The following SLC25A21 variants were observed in gnomAD, a reference collection of about 807,000 sequenced individuals.
SLC25A21 encodes the protein mitochondrial 2-oxodicarboxylate carrier.
SLC25A21 carries 47 observed loss-of-function variants against 43.8 expected under a neutral mutation model. That is an observed-to-expected ratio of 1.07 (90% CI 0.85 to 1.37). The LOEUF (loss-of-function observed/expected upper bound fraction) is 1.37. Among genes scored for constraint, SLC25A21 ranks in the 40% most tolerant of loss-of-function variants. The pLI, the probability that SLC25A21 is intolerant of heterozygous loss-of-function variation, is 0.00. For synonymous variants in SLC25A21, 131 were observed against 121.3 expected, an observed-to-expected ratio of 1.08 and a Z score of -0.52; for missense variants, 352 against 350.2, an observed-to-expected ratio of 1.00 and a Z score of -0.04.
chr14:36,894,233 T>G (rs1172268264), intron 1 of SLC25A21, among the ~76,000 whole-genome samples: 3 of 152,278 alleles, frequency 2.0e-5, no homozygotes, highest in African/African-American at 7.2e-5. Context: ...GGTTTGTAGT[T>G]CTCCTTGAGG....
intron 2 of SLC25A21, among the ~76,000 whole-genome samples, chr14:36,865,860 C>A (rs149860604): frequency 1.3e-5 from 2 of 152,036 alleles, no homozygotes; most frequent in African/African-American, 2.4e-5. Flanking sequence ...TATAACAACA[C>A]GTGGATGCCA....
chr14:36,717,737 A>G (rs2139199481), intron 6 of SLC25A21, among the ~76,000 whole-genome samples: 1 of 152,316 alleles, frequency 6.6e-6, no homozygotes, highest in East Asian at 1.9e-4. Context: ...AGATTTCTTT[A>G]TCCCAATGAA....
chr14:37,140,442 G>T (rs1856797322), intron 1 of SLC25A21, among the ~76,000 whole-genome samples: 1 of 152,114 alleles, frequency 6.6e-6, no homozygotes, highest in South Asian at 2.1e-4. Flanking sequence ...ACTTTTGCCT[G>T]GCTCTGCTGA....
rs185935187 is a variant in SLC25A21 at position 36,842,999 on chromosome 14, C to T, written c.120-28998G>A. ...GCATTAGTTAGAGTCTCATAAGCAG[C>T]GTGCAACCTAGATCCCTCACAAGCA... On this transcript the variant is annotated intron_variant, in intron 2 of 9. Coordinates refer to ENST00000331299, the MANE Select transcript of SLC25A21 (RefSeq NM_030631.4). Among the ~76,000 whole-genome samples, 16 of 152,268 alleles carry T rather than the reference C, an allele frequency of 1.1e-4. 1 individual carries two copies. The highest frequency in any genetic ancestry group is 6.2e-4 in the South Asian group (3 of 4,824).
chr14:37,146,370 C>T (rs1385623500), intron 1 of SLC25A21, among the ~76,000 whole-genome samples: 1 of 152,088 alleles, frequency 6.6e-6, no homozygotes, highest in Non-Finnish European at 1.5e-5. Flanking sequence ...ATCAACCCCC[C>T]TAAGTAGCTA....
intron 3 of SLC25A21, among the ~76,000 whole-genome samples, chr14:36,746,144 C>T (rs1031515698): frequency 2.8e-4 from 42 of 152,112 alleles, no homozygotes; most frequent in African/African-American, 1.0e-3. Flanking sequence ...CAAAAAGATA[C>T]CTGCACTCAT....
At chr14:36,817,461 C>A (rs757682957) in intron 2 of SLC25A21, among the ~76,000 whole-genome samples, 1 of 152,064 alleles carries the variant, frequency 6.6e-6, no homozygotes, top group Admixed American at 6.6e-5. Flanking sequence ...AATGGGGAAG[C>A]GAACACCACA....
At position 37,036,439 on chromosome 14, in the gene SLC25A21, A is replaced by G. The variant is rs565467879; in HGVS notation, c.70+135842T>C. Among the ~76,000 whole-genome samples, 9 of 151,934 alleles carry G rather than the reference A, an allele frequency of 5.9e-5. No homozygotes were observed. The East Asian group carries it at 1.7e-3, about 30-fold the overall frequency. ...AGTAAAACTTAGCGCAACATGTTAC[A>G]TTTTCTGAGTTAAAAAAAAAATTCC... On this transcript the variant is annotated intron_variant, in intron 1 of 9. Transcript: ENST00000331299.
At chr14:36,696,134 T>C (rs942122262) in intron 7 of SLC25A21, among the ~76,000 whole-genome samples, 4 of 152,260 alleles carry the variant, frequency 2.6e-5, no homozygotes, top group Non-Finnish European at 4.4e-5. Flanking sequence ...TTGAATTCTG[T>C]CGAAGGCCTT....
intron 1 of SLC25A21, among the ~76,000 whole-genome samples, chr14:36,972,833 GTTGT>G (rs995476118): frequency 9.4e-4 from 143 of 151,886 alleles, no homozygotes; most frequent in African/African-American, 3.3e-3. Flanking sequence ...TGGGTTTTTT[GTTGT>G]TTGTTTGTTT....
intron 1 of SLC25A21, among the ~76,000 whole-genome samples, chr14:36,948,398 T>C (rs1276485657): frequency 1.3e-5 from 2 of 152,178 alleles, no homozygotes; most frequent in African/African-American, 4.8e-5. Flanking sequence ...GTTATAAATC[T>C]GTCACAGATA....
chr14:36,717,090 G>A (rs936827907), intron 6 of SLC25A21, among the ~76,000 whole-genome samples: 5 of 152,156 alleles, frequency 3.3e-5, no homozygotes, highest in Non-Finnish European at 7.4e-5. Context: ...GGACCCAGTT[G>A]CTCCACCAAG....
At chr14:37,148,323 T>C (rs1963703199) in intron 1 of SLC25A21, among the ~76,000 whole-genome samples, 1 of 152,228 alleles carries the variant, frequency 6.6e-6, no homozygotes, top group Non-Finnish European at 1.5e-5. Context: ...TGTGTGTAGC[T>C]ACACATTGTA....
intron 1 of SLC25A21, among the ~76,000 whole-genome samples, chr14:37,135,636 G>T (rs1963468024): frequency 6.6e-6 from 1 of 152,144 alleles, no homozygotes; most frequent in Non-Finnish European, 1.5e-5. Flanking sequence ...TGTCTTCCCT[G>T]AATTTGAATC....
At chr14:37,129,912 A>T (rs775372675) in intron 1 of SLC25A21, among the ~76,000 whole-genome samples, 14 of 151,992 alleles carry the variant, frequency 9.2e-5, no homozygotes, top group Non-Finnish European at 1.5e-4. Flanking sequence ...TTCATTTGAG[A>T]ATTATTTGAA....
In SLC25A21 at chr14:37,116,611, T is replaced by A. The variant is rs570499646; in HGVS notation, c.70+55670A>T. On this transcript the variant is annotated intron_variant, in intron 1 of 9. Transcript: ENST00000331299. ...AATTTCCTTTTGGTTCAAAAAAAAATAATGTCATTAAATTTATCGGAACAA... is the reference window on the plus strand; with the variant it reads ...AATTTCCTTTTGGTTCAAAAAAAAAAAATGTCATTAAATTTATCGGAACAA... 6.1e-3 allele frequency among the ~76,000 whole-genome samples: 929 copies of A among 152,154 alleles called. 12 individuals carry two copies. Among genetic ancestry groups the A allele is most frequent in the African/African-American group, 0.022 (894 of 41,534 alleles).
At chr14:36,914,026 C>G (rs1453044524) in intron 1 of SLC25A21, among the ~76,000 whole-genome samples, 1 of 152,082 alleles carries the variant, frequency 6.6e-6, no homozygotes, top group African/African-American at 2.4e-5. Flanking sequence ...TAAGAATTTC[C>G]CTTAACAAGT....
At chr14:36,972,912 A>T (rs1959783850) in intron 1 of SLC25A21, among the ~76,000 whole-genome samples, 1 of 152,122 alleles carries the variant, frequency 6.6e-6, no homozygotes, top group African/African-American at 2.4e-5. Flanking sequence ...GGCTCACTGC[A>T]GCCTTAAACT....
At chr14:36,932,995 T>C (rs558377366) in intron 1 of SLC25A21, among the ~76,000 whole-genome samples, 15 of 152,238 alleles carry the variant, frequency 9.9e-5, no homozygotes, top group African/African-American at 3.6e-4. Context: ...TGTTAGGCAT[T>C]GTTGTTTGGT....
Sources: gnomAD v4.1 joint callset for allele counts (sites outside exome capture counted in the v4.1 genomes callset) on GRCh38, gnomAD v4.1.1 for gene constraint, MANE v1.5 for transcripts, NCBI Gene and HGNC (gene_info 2026-07-23, HGNC 2026-07-21) for gene names.